The following ANK2 variants were observed in gnomAD, a reference collection of about 807,000 sequenced individuals.
ANK2 encodes ankyrin 2.
Under a neutral mutation model 360.5 loss-of-function variants are expected in ANK2, and 83 were observed. The ratio of observed to expected loss-of-function variants is 0.23; its 90% CI spans 0.19 to 0.28. The LOEUF is 0.28. ANK2 is among the 10% of genes least tolerant of loss of function. ANK2 has a pLI of 1.00. For missense variants in ANK2, 4,201 were observed against 4,795.7 expected, an observed-to-expected ratio of 0.88 and a Z score of 3.66; for synonymous variants, 1,740 against 1,759.5, an observed-to-expected ratio of 0.99 and a Z score of 0.28.
chr4:113,354,468 T>C lies in ANK2; in HGVS notation c.5850T>C (p.Pro1950=), dbSNP rs974482179. ...CCGGAAGAACGGACAAGCACCAACC[T>C]GTATCAACAGCTGGGAAAACTGAGA... ...SPSGRTDKHQ[P]VSTAGKTEKH... Residue 1950 remains proline, a synonymous_variant, in exon 38 of 46, where the codon CCT becomes CCC. Transcript: ENST00000357077. The C allele has an allele frequency of 2.5e-6, 4 of 1,613,906 alleles. No homozygotes were observed. The highest frequency in any genetic ancestry group is 3.4e-6 in the Non-Finnish European group (4 of 1,179,950).
At chr4:113,179,880 T>G (rs988083518) in intron 2 of ANK2, among the ~76,000 whole-genome samples, 1 of 152,258 alleles carries the variant, frequency 6.6e-6, no homozygotes, top group East Asian at 1.9e-4. Flanking sequence ...TTTATTAGTT[T>G]CACTATAGTG....
the ANK2 span, among the ~76,000 whole-genome samples, chr4:112,800,043 A>G: frequency 6.6e-6 from 1 of 152,174 alleles, no homozygotes; most frequent in African/African-American, 2.4e-5. Context: ...AATATAACAC[A>G]GCTTATTCAT....
At position 113,358,087 on chromosome 4, in the gene ANK2, C is replaced by T; in HGVS notation, c.9469C>T (p.Leu3157=). 1 of 1,614,056 alleles carries T rather than the reference C, an allele frequency of 6.2e-7. No homozygotes were observed. The highest frequency in any genetic ancestry group is 2.2e-5 in the East Asian group (1 of 44,886). The change falls in exon 38 of 46, where the codon CTA becomes TTA. Residue 3157 remains leucine (L), a synonymous_variant. Transcript: ENST00000357077. ...VKEGATGADP[L]PLETSAESLA... is the part of the protein sequence containing the mutation. ...AGAAGGGGCTACTGGGGCTGATCCC[C>T]TACCGCTGGAGACATCAGCTGAATC...
chr4:113,236,408 A>G (rs567187511), intron 5 of ANK2, among the ~76,000 whole-genome samples: 4 of 152,328 alleles, frequency 2.6e-5, no homozygotes, highest in Admixed American at 2.6e-4. Context: ...TATAAAATTC[A>G]ACTATTAAGA....
chr4:113,245,129 G>A (rs147980573), intron 9 of ANK2, among the ~76,000 whole-genome samples: 1 of 152,198 alleles, frequency 6.6e-6, no homozygotes, highest in Admixed American at 6.5e-5. Context: ...TCTGTAAGTA[G>A]AAGGATTTTA....
At chr4:113,038,119 G>C (rs2154310228) in intron 2 of ANK2, among the ~76,000 whole-genome samples, 1 of 151,786 alleles carries the variant, frequency 6.6e-6, no homozygotes, top group South Asian at 2.1e-4. Context: ...AGAATTTAAG[G>C]CTGTTACGAG....
chr4:112,803,343 G>A, the ANK2 span, among the ~76,000 whole-genome samples: 1 of 152,108 alleles, frequency 6.6e-6, no homozygotes, highest in South Asian at 2.1e-4. Flanking sequence ...GGCCCTAAAA[G>A]CCTACTTTAT....
the ANK2 span, among the ~76,000 whole-genome samples, chr4:112,720,642 A>G: frequency 6.6e-6 from 1 of 152,258 alleles, no homozygotes; most frequent in African/African-American, 2.4e-5. Flanking sequence ...TGCCTGAAAT[A>G]TAACAGGTGC....
At chr4:113,017,895 C>T (rs569414064) in intron 2 of ANK2, among the ~76,000 whole-genome samples, 32 of 152,210 alleles carry the variant, frequency 2.1e-4, no homozygotes, top group African/African-American at 7.5e-4. Flanking sequence ...CATACTTGAT[C>T]CTCTGATATT....
chr4:113,120,534 A>G (rs190723409), intron 1 of ANK2, among the ~76,000 whole-genome samples: 1 of 152,238 alleles, frequency 6.6e-6, no homozygotes, highest in Non-Finnish European at 1.5e-5. Flanking sequence ...TGAAAAATAC[A>G]TAATTTTTAG....
rs2091767899 is a variant in ANK2 at position 113,097,854 on chromosome 4, G to GCA, written c.84+48042_84+48043insCA. Among the ~76,000 whole-genome samples, 30 of 91,242 alleles carry GCA rather than the reference G, an allele frequency of 3.3e-4. 1 individual carries two copies. Among genetic ancestry groups the GCA allele is most frequent in the South Asian group, 7.8e-4 (2 of 2,578 alleles). 59.9% of individuals were successfully genotyped at this position (91,242 alleles called of 152,430 possible). A position where few individuals can be genotyped will look rare whatever the true frequency, so the allele number is the denominator to read the frequency against. On this transcript the variant is annotated intron_variant, in intron 1 of 45. Transcript: ENST00000357077. The stretch of plus-strand genomic sequence containing the variant: ...CTTGTATATATATGTGTGTGTGTGT[G>GCA]TGTGTGTGTGTGTATATATATGCAC...
the ANK2 span, among the ~76,000 whole-genome samples, chr4:112,720,116 T>A: frequency 6.6e-6 from 1 of 152,168 alleles, no homozygotes; most frequent in Non-Finnish European, 1.5e-5. Context: ...TCTTTAAACA[T>A]TAATGTCAAC....
chr4:113,042,450 T>C (rs2063205591), intron 2 of ANK2, among the ~76,000 whole-genome samples: 1 of 152,184 alleles, frequency 6.6e-6, no homozygotes. Context: ...ATATATCCTG[T>C]TTGTTCTATT....
intron 45 of ANK2, among the ~76,000 whole-genome samples, chr4:113,376,325 C>G (rs1272119163): frequency 6.6e-6 from 1 of 152,144 alleles, no homozygotes; most frequent in Non-Finnish European, 1.5e-5. Context: ...AATTATAACA[C>G]AATGGTAAGT....
At chr4:113,313,030 A>T (rs568961400) in intron 24 of ANK2, among the ~76,000 whole-genome samples, 2 of 152,196 alleles carry the variant, frequency 1.3e-5, no homozygotes, top group East Asian at 1.9e-4. Context: ...GTCAGATTTC[A>T]TGATGAATTT....
chr4:112,947,563 G>A (rs918278431), intron 2 of ANK2, among the ~76,000 whole-genome samples: 3 of 152,188 alleles, frequency 2.0e-5, no homozygotes, highest in Middle Eastern at 3.4e-3. Context: ...GAAAATAAGT[G>A]GGTGCAGTTT....
chr4:113,202,505 AACC>A (rs2098844842), intron 4 of ANK2, among the ~76,000 whole-genome samples: 1 of 152,212 alleles, frequency 6.6e-6, no homozygotes, highest in Admixed American at 6.5e-5. Context: ...ACATAATTTA[AACC>A]ACTGAAATGC....
At chr4:113,293,130 G>A (rs561134303) in intron 21 of ANK2, 2 of 446,142 alleles carry the variant, frequency 4.5e-6, no homozygotes, top group Non-Finnish European at 8.6e-6. Context: ...GACGTCATGA[G>A]GCACTTTCTT....
the ANK2 span, among the ~76,000 whole-genome samples, chr4:112,751,637 G>T: frequency 2.2e-4 from 34 of 152,064 alleles, 1 homozygote; most frequent in Middle Eastern, 6.8e-3. Flanking sequence ...GAGGGGGAAG[G>T]GGGAAGCATA....
Sources: gnomAD v4.1 joint callset for allele counts (sites outside exome capture counted in the v4.1 genomes callset) on GRCh38, gnomAD v4.1.1 for gene constraint, MANE v1.5 for transcripts, NCBI Gene and HGNC (gene_info 2026-07-23, HGNC 2026-07-21) for gene names.